GABRB1: variants seen among roughly 807,000 people sequenced by gnomAD.
GABRB1 encodes gamma-aminobutyric acid type A receptor subunit beta1.
GABRB1 carries 17 observed loss-of-function variants against 51.6 expected under a neutral mutation model. That is an observed-to-expected ratio of 0.33 (90% confidence interval 0.23 to 0.49). The LOEUF (loss-of-function observed/expected upper bound fraction) is 0.49. GABRB1 is among the 20% of genes least tolerant of loss of function. The pLI is 0.99. For synonymous variants in GABRB1, 247 were observed against 218.9 expected, an observed-to-expected ratio of 1.13 and a Z score of -1.14; for missense variants, 410 against 600.6, an observed-to-expected ratio of 0.68 and a Z score of 3.32.
chr4:47,045,515 A>G (rs1411661472), intron 3 of GABRB1, among the ~76,000 whole-genome samples: 3 of 151,860 alleles, frequency 2.0e-5, no homozygotes, highest in South Asian at 4.1e-4. Flanking sequence ...ATAACAGAGT[A>G]TCACAGACTG....
At position 47,398,992 on chromosome 4, in the gene GABRB1, A is replaced by G. The variant is rs189676880; in HGVS notation, c.545-4326A>G. Among the ~76,000 whole-genome samples, 484 of 152,222 alleles carry G rather than the reference A, an allele frequency of 3.2e-3. 3 individuals carry two copies. Among genetic ancestry groups the G allele is most frequent in the African/African-American group, 0.011 (443 of 41,546 alleles). On this transcript the variant is annotated intron_variant, in intron 5 of 8. Transcript: ENST00000295454. ...TTTTTAGTGGAGACGGGGTTTCACC[A>G]TGTTAGCCAGGATGGTCTCAATCTC... is the stretch of plus-strand genomic sequence containing the variant.
At chr4:47,069,117 T>C (rs1727204981) in intron 3 of GABRB1, among the ~76,000 whole-genome samples, 1 of 152,206 alleles carries the variant, frequency 6.6e-6, no homozygotes, top group Non-Finnish European at 1.5e-5. Flanking sequence ...AGATCAGCAC[T>C]GAACCAGGAT....
intron 3 of GABRB1, among the ~76,000 whole-genome samples, chr4:47,154,472 A>G (rs1717603255): frequency 6.6e-6 from 1 of 152,022 alleles, no homozygotes; most frequent in African/African-American, 2.4e-5. Flanking sequence ...GTCGTTTAAC[A>G]TCTCTAGGTC....
At chr4:47,208,840 GAC>G (rs1720242232) in intron 4 of GABRB1, among the ~76,000 whole-genome samples, 1 of 152,096 alleles carries the variant, frequency 6.6e-6, no homozygotes, top group African/African-American at 2.4e-5. Flanking sequence ...TGAGAAGACA[GAC>G]ATGACCTAAG....
chr4:47,367,341 C>A (rs913903333), intron 5 of GABRB1, among the ~76,000 whole-genome samples: 1 of 152,206 alleles, frequency 6.6e-6, no homozygotes, highest in Non-Finnish European at 1.5e-5. Flanking sequence ...TGTCTAGTAT[C>A]TCTGTCAGTC....
rs867964865 is a variant in GABRB1 at position 47,032,299 on chromosome 4, G to T, written c.173-118G>T. ...CAGGCAGTCCCCTGAAAGGGGTGGT[G>T]GGGGGAGCAGGGAGGGAGCCCGTTA... On this transcript the variant is annotated intron_variant, in intron 2 of 8. Coordinates refer to ENST00000295454, the MANE Select transcript of GABRB1 (RefSeq NM_000812.4). 46 of 948,558 alleles carry T rather than the reference G, an allele frequency of 4.8e-5. No homozygotes were observed. The Middle Eastern group carries it at 2.6e-3, about 54-fold the overall frequency. The allele number at this position is 948,558 out of a possible 1,614,324, so 58.8% of individuals were successfully genotyped here.
At chr4:47,075,761 A>G (rs1008332572) in intron 3 of GABRB1, among the ~76,000 whole-genome samples, 6 of 152,166 alleles carry the variant, frequency 3.9e-5, no homozygotes, top group African/African-American at 1.4e-4. Flanking sequence ...ACAGAGGGAA[A>G]ATAAGAGATT....
intron 5 of GABRB1, among the ~76,000 whole-genome samples, chr4:47,358,745 G>C (rs1172098546): frequency 1.3e-5 from 2 of 152,154 alleles, no homozygotes; most frequent in Non-Finnish European, 2.9e-5. Flanking sequence ...TTTAGCGGTA[G>C]AGAAAACACA....
Position 47,331,998 on chromosome 4 carries a change from T to A in GABRB1, c.544+11789T>A, listed in dbSNP as rs184086622. Among the ~76,000 whole-genome samples the A allele has an allele frequency of 3.8e-4, 58 of 152,310 alleles. No individual in the cohort carries two copies. In the East Asian group the frequency reaches 0.011, roughly 28 times the overall value. ...CTTTTTCTCTGGCTTCCCCACTAGG[T>A]GTGAGTTGGGTGGTTTTAGGTGTAC... On this transcript the variant is annotated intron_variant, in intron 5 of 8. Transcript: ENST00000295454.
chr4:47,260,144 C>A (rs1205833123), intron 4 of GABRB1, among the ~76,000 whole-genome samples: 3 of 152,158 alleles, frequency 2.0e-5, no homozygotes, highest in Admixed American at 1.3e-4. Flanking sequence ...GCTAGGATTG[C>A]AACCCCTACC....
chr4:47,045,154 C>T (rs1231771286), intron 3 of GABRB1, among the ~76,000 whole-genome samples: 3 of 152,010 alleles, frequency 2.0e-5, no homozygotes, highest in African/African-American at 4.8e-5. Flanking sequence ...AGTGACTATG[C>T]AAGTCCTTGA....
intron 5 of GABRB1, among the ~76,000 whole-genome samples, chr4:47,386,514 T>C (rs1578138599): frequency 6.6e-6 from 1 of 152,224 alleles, no homozygotes. Flanking sequence ...TCACTGTGTA[T>C]TGGGGCCATT....
chr4:47,346,348 C>A (rs1159522554), intron 5 of GABRB1, among the ~76,000 whole-genome samples: 1 of 152,158 alleles, frequency 6.6e-6, no homozygotes, highest in Non-Finnish European at 1.5e-5. Flanking sequence ...GATTTGTCAG[C>A]ATGGAAGGTG....
chr4:47,371,298 T>C (rs1347275653), intron 5 of GABRB1, among the ~76,000 whole-genome samples: 1 of 152,226 alleles, frequency 6.6e-6, no homozygotes, highest in African/African-American at 2.4e-5. Flanking sequence ...TAGTATTCCA[T>C]GGTGTATATG....
At chr4:47,136,279 C>T (rs1183455036) in intron 3 of GABRB1, among the ~76,000 whole-genome samples, 1 of 152,028 alleles carries the variant, frequency 6.6e-6, no homozygotes, top group Non-Finnish European at 1.5e-5. Flanking sequence ...GGCATAGCGG[C>T]CTTGAATACC....
intron 4 of GABRB1, among the ~76,000 whole-genome samples, chr4:47,291,787 C>T (rs1333843469): frequency 1.3e-5 from 2 of 152,156 alleles, no homozygotes; most frequent in Non-Finnish European, 2.9e-5. Flanking sequence ...GCCAGTATCT[C>T]CCATTTGGAA....
intron 1 of GABRB1, among the ~76,000 whole-genome samples, chr4:47,015,394 G>C (rs886656994): frequency 6.6e-6 from 1 of 152,182 alleles, no homozygotes; most frequent in African/African-American, 2.4e-5. Context: ...TTATATTTGA[G>C]AGAGTAACTA....
At chr4:47,335,307 T>C (rs1045695380) in intron 5 of GABRB1, among the ~76,000 whole-genome samples, 3 of 152,156 alleles carry the variant, frequency 2.0e-5, no homozygotes, top group Admixed American at 1.3e-4. Flanking sequence ...CCTATTCTTG[T>C]TGTTGTTGCC....
chr4:47,265,836 C>A (rs1722623700), intron 4 of GABRB1, among the ~76,000 whole-genome samples: 1 of 151,984 alleles, frequency 6.6e-6, no homozygotes, highest in Non-Finnish European at 1.5e-5. Flanking sequence ...TCTTCTAGTT[C>A]TAGATATTAG....
Sources: allele counts gnomAD v4.1 joint callset (sites outside exome capture counted in the v4.1 genomes callset), GRCh38; gene constraint gnomAD v4.1.1; transcripts MANE v1.5; gene names NCBI Gene and HGNC (gene_info 2026-07-23, HGNC 2026-07-21).